Variants in FRMD4A observed in about 807,000 individuals in gnomAD.
FRMD4A encodes the protein FERM domain containing 4A.
In FRMD4A, 29 loss-of-function variants were observed where a neutral mutation model predicts 129.1. The ratio of observed to expected loss-of-function variants is 0.22; its 90% CI spans 0.17 to 0.31. The LOEUF is 0.31. Among genes scored for constraint, FRMD4A ranks in the 10% least tolerant of loss-of-function variants. The probability of loss-of-function intolerance (pLI) is 1.00; values close to 1 mark genes in which losing one functional copy is unlikely to be tolerated. For missense variants in FRMD4A, 1,272 were observed against 1,375.8 expected, an observed-to-expected ratio of 0.92 and a Z score of 1.19; for synonymous variants, 634 against 571.6, an observed-to-expected ratio of 1.11 and a Z score of -1.56.
chr10:13,794,740 G>C (rs957521029), intron 5 of FRMD4A, among the ~76,000 whole-genome samples: 3 of 152,200 alleles, frequency 2.0e-5, no homozygotes, highest in African/African-American at 4.8e-5. Context: ...AGTGTTCTTT[G>C]AGGTTCTTGC....
intron 4 of FRMD4A, among the ~76,000 whole-genome samples, chr10:13,804,658 C>T (rs1052192943): frequency 6.6e-6 from 1 of 151,934 alleles, no homozygotes; most frequent in Admixed American, 6.6e-5. Context: ...AATTCTCCTG[C>T]CTCAGCCTCC....
chr10:14,011,454 A>C (rs760066146), intron 2 of FRMD4A, among the ~76,000 whole-genome samples: 1 of 152,126 alleles, frequency 6.6e-6, no homozygotes, highest in Non-Finnish European at 1.5e-5. Flanking sequence ...ATCCAGTGGG[A>C]GACTCAGCCG....
At chr10:13,657,801 T>TA (rs1342647773) in intron 21 of FRMD4A, among the ~76,000 whole-genome samples, 1 of 151,240 alleles carries the variant, frequency 6.6e-6, no homozygotes, top group Non-Finnish European at 1.5e-5. Flanking sequence ...TTTTTTTTTT[T>TA]TTAAATAATT....
Position 13,646,688 on chromosome 10 carries a change from T to A in FRMD4A, c.*350A>T, listed in dbSNP as rs960913303. The A allele has an allele frequency of 1.3e-5, 2 of 152,728 alleles. No homozygotes were observed. Among genetic ancestry groups the A allele is most frequent in the African/African-American group, 4.8e-5 (2 of 41,438 alleles). The allele number at this position is 152,728 out of a possible 1,614,324, so 9.5% of individuals were successfully genotyped here. A position where few individuals can be genotyped will look rare whatever the true frequency, so the allele number is the denominator to read the frequency against. ...TCATGGCAGAGGGAAGCCACCAAGG[T>A]GCCATTGAGGATTGGTGTCTGGCTC... On this transcript the variant is annotated 3_prime_UTR_variant, in exon 25 of 25. Coordinates refer to ENST00000357447, the MANE Select transcript of FRMD4A (RefSeq NM_018027.5).
intron 2 of FRMD4A, among the ~76,000 whole-genome samples, chr10:14,176,536 G>A (rs997774856): frequency 3.0e-5 from 4 of 135,554 alleles, no homozygotes; most frequent in East Asian, 2.4e-4. Flanking sequence ...GTGCAATGGC[G>A]CAATCTCAGC....
intron 2 of FRMD4A, among the ~76,000 whole-genome samples, chr10:14,037,370 A>G (rs893599930): frequency 1.4e-4 from 22 of 152,076 alleles, no homozygotes; most frequent in African/African-American, 5.1e-4. Context: ...GATGGGCACC[A>G]CCATGTCCAC....
intron 2 of FRMD4A, among the ~76,000 whole-genome samples, chr10:14,134,814 G>A (rs1181272590): frequency 6.6e-6 from 1 of 152,142 alleles, no homozygotes. Context: ...GGAGTGATTG[G>A]AAAATCATGA....
chr10:13,770,408 C>G (rs2092422926), intron 6 of FRMD4A, among the ~76,000 whole-genome samples: 1 of 152,042 alleles, frequency 6.6e-6, no homozygotes. Context: ...AGGAATCGTT[C>G]TTTTATTAAC....
chr10:13,882,548 A>G (rs570933871), intron 2 of FRMD4A, among the ~76,000 whole-genome samples: 1 of 152,298 alleles, frequency 6.6e-6, no homozygotes, highest in South Asian at 2.1e-4. Context: ...GGGGAATAGT[A>G]TTTAGGGAAC....
chr10:13,962,470 A>G (rs2095452046), intron 2 of FRMD4A, among the ~76,000 whole-genome samples: 3 of 152,210 alleles, frequency 2.0e-5, no homozygotes, highest in Non-Finnish European at 4.4e-5. Context: ...TGAAAAGGCA[A>G]GCGTTTGTGA....
intron 21 of FRMD4A, among the ~76,000 whole-genome samples, chr10:13,658,561 C>T (rs934840421): frequency 1.1e-4 from 16 of 152,198 alleles, no homozygotes; most frequent in Admixed American, 4.6e-4. Context: ...CGTGGCCCTC[C>T]GTGATCTGGT....
Position 13,654,529 on chromosome 10 carries a change from C to T in FRMD4A, c.2954-17G>A. On this transcript the variant is annotated splice_polypyrimidine_tract_variant and intron_variant, in intron 22 of 24. Transcript: ENST00000357447. ...GTAAGGCAGCTACATGCAGGTGGTG[C>T]AAGAAAGGCAGAGAGCAGACAGGGA... The T allele has an allele frequency of 1.3e-6, 2 of 1,538,712 alleles. No individual in the cohort carries two copies. The highest frequency in any genetic ancestry group is 1.7e-5 in the Admixed American group (1 of 59,608).
chr10:13,964,338 C>A (rs1020388546), intron 2 of FRMD4A, among the ~76,000 whole-genome samples: 1 of 152,084 alleles, frequency 6.6e-6, no homozygotes, highest in African/African-American at 2.4e-5. Context: ...TTTACATATG[C>A]CATACATATG....
intron 2 of FRMD4A, among the ~76,000 whole-genome samples, chr10:14,149,650 A>T (rs965213714): frequency 1.3e-5 from 2 of 152,188 alleles, no homozygotes; most frequent in African/African-American, 4.8e-5. Context: ...AATTACAGAC[A>T]TGAGCCGCCA....
intron 2 of FRMD4A, among the ~76,000 whole-genome samples, chr10:13,927,677 A>G (rs535468592): frequency 6.6e-6 from 1 of 152,330 alleles, no homozygotes; most frequent in Admixed American, 6.5e-5. Flanking sequence ...ATGATAGTAA[A>G]TGCCAGAACT....
intron 2 of FRMD4A, among the ~76,000 whole-genome samples, chr10:14,245,794 C>T (rs191556032): frequency 3.4e-4 from 52 of 152,246 alleles, no homozygotes; most frequent in African/African-American, 1.2e-3. Flanking sequence ...TGCTGGTCTC[C>T]AGAACTGTAA....
intron 2 of FRMD4A, among the ~76,000 whole-genome samples, chr10:14,121,552 C>T (rs575347605): frequency 6.6e-6 from 1 of 152,304 alleles, no homozygotes; most frequent in South Asian, 2.1e-4. Flanking sequence ...CTACAGTCAC[C>T]TGTTACCTGG....
At chr10:13,807,857 G>A (rs59421880) in intron 4 of FRMD4A, among the ~76,000 whole-genome samples, 2,515 of 149,112 alleles carry the variant, frequency 0.017, 57 homozygotes, top group African/African-American at 0.056. Flanking sequence ...GGAGTGCAGT[G>A]GCACACTCTC....
At chr10:14,017,293 G>T (rs1008763588) in intron 2 of FRMD4A, among the ~76,000 whole-genome samples, 2 of 152,202 alleles carry the variant, frequency 1.3e-5, no homozygotes, top group Non-Finnish European at 2.9e-5. Flanking sequence ...CCGTTTTCAT[G>T]TGCTGTCAGT....
Sources: gnomAD v4.1 joint callset for allele counts (sites outside exome capture counted in the v4.1 genomes callset) on GRCh38, gnomAD v4.1.1 for gene constraint, MANE v1.5 for transcripts, NCBI Gene and HGNC (gene_info 2026-07-23, HGNC 2026-07-21) for gene names.